SYNE2: variants seen among roughly 807,000 people sequenced by gnomAD.
SYNE2 encodes spectrin repeat containing nuclear envelope protein 2, also known as nesprin-2.
Under a neutral mutation model 856.3 loss-of-function variants are expected in SYNE2, and 431 were observed. The observed-to-expected ratio is 0.50, with a 90% CI of 0.47 to 0.55. SYNE2 has a LOEUF of 0.55. Among genes scored for constraint, SYNE2 ranks in the 20% least tolerant of loss-of-function variants. The probability of loss-of-function intolerance (pLI) is 0.00; values close to 1 mark genes in which losing one functional copy is unlikely to be tolerated. For synonymous variants in SYNE2, 2,923 were observed against 2,872.3 expected, an observed-to-expected ratio of 1.02 and a Z score of -0.56; for missense variants, 8,129 against 8,023.2, an observed-to-expected ratio of 1.01 and a Z score of -0.50.
chr14:64,163,680 C>G, intron 89 of SYNE2, 99 bp downstream of exon 89: 1 of 1,416,610 alleles, frequency 7.1e-7, no homozygotes, highest in Non-Finnish European at 9.7e-7. Flanking sequence ...ACGGGCTGCT[C>G]CTTAGCAAAA....
chr14:63,931,070 G>T (rs1295962411), intron 2 of SYNE2, among the ~76,000 whole-genome samples: 1 of 152,132 alleles, frequency 6.6e-6, no homozygotes, highest in Admixed American at 6.5e-5. Flanking sequence ...TGTCATCATA[G>T]AATAGAGGAC....
chr14:64,215,272 T>G lies in SYNE2; in HGVS notation c.19334-14T>G. 6.2e-7 allele frequency: 1 copy of G among 1,613,966 alleles called. No individual in the cohort carries two copies. Among genetic ancestry groups the G allele is most frequent in the Admixed American group, 1.7e-5 (1 of 60,024 alleles). ...GGCACCTCCAGTGAGGCAAATGACA[T>G]TGTTCTTTTTCAGATGTAGAAATCC... On this transcript the variant is annotated splice_polypyrimidine_tract_variant and intron_variant, in intron 106 of 115. Transcript: ENST00000555002.
At chr14:63,895,100 T>C (rs1248713020) in intron 1 of SYNE2, among the ~76,000 whole-genome samples, 3 of 126,310 alleles carry the variant, frequency 2.4e-5, no homozygotes, top group Non-Finnish European at 5.2e-5. Context: ...TAAATTTCCA[T>C]TTTCTTTTCT....
rs1053725236 is a variant in SYNE2 at position 64,048,393 on chromosome 14, A to G, written c.7377+238A>G. The G allele has an allele frequency of 1.1e-4, 36 of 326,504 alleles. No individual in the cohort carries two copies. The East Asian group carries it at 1.9e-3, about 17-fold the overall frequency. 20.2% of individuals were successfully genotyped at this position (326,504 alleles called of 1,614,324 possible). ...TCTTTCTATTTCACAAAGTTCCTAA[A>G]GACTTAGTGAGAAAATTTGGAGATT... On this transcript the variant is annotated intron_variant, in intron 46 of 115. Transcript: ENST00000555002.
chr14:64,121,111 C>T, intron 68 of SYNE2, 50 bp downstream of exon 68: 1 of 1,611,814 alleles, frequency 6.2e-7, no homozygotes, highest in South Asian at 1.1e-5. Context: ...ACTTTTTAAC[C>T]AGGCAAGGTG....
chr14:64,158,684 A>G lies in SYNE2; in HGVS notation c.15852A>G (p.Gln5284=), dbSNP rs1054458174. The G allele has an allele frequency of 6.2e-6, 10 of 1,613,804 alleles. No individual in the cohort carries two copies. Among genetic ancestry groups the G allele is most frequent in the East Asian group, 2.2e-5 (1 of 44,880 alleles). ...TACAGGAGTGGAAGATTTATGATCAACTCTATGATGAAGTGAATATGATGA... is the reference window on the plus strand; with the variant it reads ...TACAGGAGTGGAAGATTTATGATCAGCTCTATGATGAAGTGAATATGATGA... ...SVLQEWKIYD[Q]LYDEVNMMTI... is the part of the protein sequence containing the mutation. The change falls in exon 86 of 116, where the codon CAA becomes CAG. Residue 5284 remains glutamine (Q), a synonymous_variant. Coordinates refer to ENST00000555002, the MANE Select transcript of SYNE2 (RefSeq NM_182914.3).
chr14:64,145,828 AAC>A (rs1595826604), intron 83 of SYNE2, among the ~76,000 whole-genome samples: 1 of 152,208 alleles, frequency 6.6e-6, no homozygotes, highest in East Asian at 1.9e-4. Context: ...GAAACTCCAC[AAC>A]AGCTACCTTT....
intron 1 of SYNE2, among the ~76,000 whole-genome samples, chr14:63,865,719 C>G (rs967866112): frequency 4.4e-5 from 5 of 114,586 alleles, no homozygotes; most frequent in South Asian, 3.5e-4. Flanking sequence ...TACCCACCCC[C>G]CCCCCAAAAA....
chr14:64,183,133 G>A (rs1225361200), intron 96 of SYNE2, among the ~76,000 whole-genome samples: 1 of 150,482 alleles, frequency 6.6e-6, no homozygotes, highest in African/African-American at 2.5e-5. Context: ...GCGGCTGCCG[G>A]GCGGAGGGGC....
chr14:63,993,738 C>A, intron 21 of SYNE2, 97 bp from the exon 22 acceptor site: 1 of 1,074,714 alleles, frequency 9.3e-7, no homozygotes, highest in Non-Finnish European at 1.4e-6. Context: ...CCCACTTTAC[C>A]AGTTAAAGAC....
chr14:63,827,048 CG>C, intron 1 of SYNE2, among the ~76,000 whole-genome samples: 1 of 151,812 alleles, frequency 6.6e-6, no homozygotes, highest in African/African-American at 2.4e-5. Flanking sequence ...GAGGCTGAGG[CG>C]GGTGGATCAC....
chr14:64,019,177 G>A (rs1042610130), intron 34 of SYNE2, among the ~76,000 whole-genome samples: 5 of 151,876 alleles, frequency 3.3e-5, no homozygotes, highest in Admixed American at 1.3e-4. Context: ...GGAGGCTGAG[G>A]CAGGAGAATA....
rs1276005327 is a variant in SYNE2, at chr14:63,833,053, G to A, written c.-304-19448G>A. Among the ~76,000 whole-genome samples, 4 of 150,752 alleles carry A rather than the reference G, an allele frequency of 2.7e-5. No individual in the cohort carries two copies. In the East Asian group the frequency reaches 5.9e-4, roughly 22 times the overall value. On this transcript the variant is annotated intron_variant, in intron 1 of 23. Coordinates refer to the SYNE2 transcript ENST00000674003. ...AAAAGTAAAAATAAAAAATAATAAT[G>A]CATATATTGGCTGGGTGCAGTAGCT...
chr14:64,225,203 G>C (rs1479749623), intron 115 of SYNE2, 116 bp from the exon 116 acceptor site: 2 of 1,570,812 alleles, frequency 1.3e-6, no homozygotes, highest in East Asian at 2.3e-5. Context: ...CCAACTGTTG[G>C]CCCTATTTAA....
chr14:64,031,292 G>T lies in SYNE2; in HGVS notation c.7156G>T (p.Val2386Leu), dbSNP rs771798098. The change falls in exon 45 of 116, where the codon GTG (valine) becomes TTG (leucine). Residue 2386 changes from valine (V) to leucine (L), a missense_variant. By Grantham distance (32) the Val-to-Leu change is conservative. Coordinates refer to ENST00000555002, the MANE Select transcript of SYNE2 (RefSeq NM_182914.3). ...PGREKQATSD[V>L]QESTQESAAV... ...CAGAGAGAAGCAGGCCACTTCTGAT[G>T]TGCAGGAGTCTACTCAGGAATCAGC... 1 of 1,614,164 alleles carries T rather than the reference G, an allele frequency of 6.2e-7. No homozygotes were observed. Among genetic ancestry groups the T allele is most frequent in the Non-Finnish European group, 8.5e-7 (1 of 1,180,032 alleles).
At chr14:63,932,615 G>A (rs1441992321) in intron 2 of SYNE2, among the ~76,000 whole-genome samples, 1 of 152,102 alleles carries the variant, frequency 6.6e-6, no homozygotes, top group Non-Finnish European at 1.5e-5. Flanking sequence ...GAGATGGGAG[G>A]ATCACTTGAG....
intron 2 of SYNE2, among the ~76,000 whole-genome samples, chr14:63,936,971 G>A (rs890943105): frequency 1.3e-5 from 2 of 152,150 alleles, no homozygotes; most frequent in Non-Finnish European, 2.9e-5. Flanking sequence ...GAGAAAGGGA[G>A]GAGGCAACCT....
intron 45 of SYNE2, among the ~76,000 whole-genome samples, chr14:64,044,263 C>A (rs918835288): frequency 1.3e-5 from 2 of 152,104 alleles, no homozygotes; most frequent in Non-Finnish European, 2.9e-5. Flanking sequence ...AATTTGACTG[C>A]CACACTTAAT....
chr14:64,189,981 TA>T, intron 98 of SYNE2, 89 bp from the exon 99 acceptor site: 2 of 1,427,154 alleles, frequency 1.4e-6, no homozygotes, highest in Non-Finnish European at 9.5e-7. Flanking sequence ...TTTTTTTTTT[TA>T]ATTTCAAGAG....
Sources: allele counts gnomAD v4.1 joint callset (sites outside exome capture counted in the v4.1 genomes callset), GRCh38; gene constraint gnomAD v4.1.1; transcripts MANE v1.5; gene names NCBI Gene and HGNC (gene_info 2026-07-23, HGNC 2026-07-21).